Variants in PUS7 observed in about 807,000 individuals in gnomAD.
PUS7 encodes the protein pseudouridylate synthase 7 homolog.
PUS7 carries 48 observed loss-of-function variants against 79.8 expected under a neutral mutation model. The ratio of observed to expected loss-of-function variants is 0.60; its 90% confidence interval spans 0.48 to 0.76. The LOEUF is 0.76. Among genes scored for constraint, PUS7 ranks in the 30% least tolerant of loss-of-function variants. The pLI is 0.00. For synonymous variants in PUS7, 286 were observed against 272.2 expected (o/e 1.05, Z -0.50); for missense variants, 729 against 797.6 (o/e 0.91, Z 1.04).
At chr7:105,499,431 G>A (rs1825162184) in intron 5 of PUS7, among the ~76,000 whole-genome samples, 1 of 152,022 alleles carries the variant, frequency 6.6e-6, no homozygotes, top group South Asian at 2.1e-4. Flanking sequence ...CTATCACATG[G>A]CAGAATTTTC....
intron 15 of PUS7, among the ~76,000 whole-genome samples, chr7:105,458,321 T>C (rs1823272061): frequency 2.0e-5 from 3 of 151,778 alleles, no homozygotes; most frequent in South Asian, 4.1e-4. Context: ...AGTGCAGTGG[T>C]GTAATCTCAG....
At position 105,509,184 on chromosome 7, in the gene PUS7, C is replaced by CAAAAAAAAAAAAAA; in HGVS notation, c.-32-654_-32-641dup. ...GGGGGACCAGAGCAAGACTCCATCT[C>CAAAAAAAAAAAAAA]AAAAAAAAAAAAAAAAAAAAAAAAA... is the stretch of plus-strand genomic sequence containing the variant. On this transcript the variant is annotated intron_variant, in intron 1 of 15. Transcript: ENST00000469408. 2.7e-3 allele frequency among the ~76,000 whole-genome samples: 148 copies of CAAAAAAAAAAAAAA among 55,704 alleles called. 8 individuals carry two copies. Among genetic ancestry groups the CAAAAAAAAAAAAAA allele is most frequent in the African/African-American group, 9.3e-3 (104 of 11,196 alleles). The allele number at this position is 55,704 out of a possible 152,430, so 36.5% of individuals were successfully genotyped here. A position where few individuals can be genotyped will look rare whatever the true frequency, so the allele number is the denominator to read the frequency against.
At chr7:105,493,786 G>A (rs902401619) in intron 6 of PUS7, among the ~76,000 whole-genome samples, 1 of 152,178 alleles carries the variant, frequency 6.6e-6, no homozygotes, top group African/African-American at 2.4e-5. Flanking sequence ...GCCAAGGAGA[G>A]AGGCTTCCGG....
intron 2 of PUS7, 58 bp downstream of exon 2, chr7:105,508,057 C>A (rs982765874): frequency 1.3e-6 from 2 of 1,505,118 alleles, no homozygotes; most frequent in African/African-American, 2.8e-5. Flanking sequence ...AAGCTAATTT[C>A]TTTCTAAAGA....
At chr7:105,519,699 G>A (rs879131841) in intron 1 of PUS7, among the ~76,000 whole-genome samples, 4 of 152,202 alleles carry the variant, frequency 2.6e-5, no homozygotes, top group Admixed American at 2.6e-4. Context: ...AGCTTACAAT[G>A]TATTTGAGAA....
chr7:105,506,212 A>C lies in PUS7; in HGVS notation c.460T>G (p.Leu154Val). Residue 154 changes from leucine to valine, a missense_variant, in exon 3 of 16, where the codon TTG (leucine) becomes GTG (valine). Transcript: ENST00000469408. ...ACCTCCTCATCCACTGGAATGGACA[A>C]GTCATTCAAATGGCTGATCCGTCCA... is the stretch of plus-strand genomic sequence containing the variant. ...KDGRISHLND[L>V]SIPVDEEDPS... The C allele has an allele frequency of 4.3e-6, 7 of 1,613,288 alleles. No homozygotes were observed. The highest frequency in any genetic ancestry group is 5.9e-6 in the Non-Finnish European group (7 of 1,179,590).
intron 1 of PUS7, among the ~76,000 whole-genome samples, chr7:105,521,328 A>C (rs2133317566): frequency 6.6e-6 from 1 of 152,344 alleles, no homozygotes; most frequent in South Asian, 2.1e-4. Flanking sequence ...ACTCTTTGCC[A>C]ACCCTACTCG....
chr7:105,514,490 G>A (rs1299875987), intron 1 of PUS7, among the ~76,000 whole-genome samples: 3 of 150,558 alleles, frequency 2.0e-5, no homozygotes, highest in Non-Finnish European at 4.4e-5. Flanking sequence ...TGTAGTCCCA[G>A]CTACTCAGGA....
At chr7:105,494,501 C>T (rs1289848162) in intron 6 of PUS7, among the ~76,000 whole-genome samples, 1 of 150,454 alleles carries the variant, frequency 6.6e-6, no homozygotes, top group Non-Finnish European at 1.5e-5. Flanking sequence ...CCTCTGCTTC[C>T]CAGGTTCAAG....
At position 105,456,554 on chromosome 7, in the gene PUS7, G is replaced by A. The variant is rs1032488230; in HGVS notation, c.*1236C>T. The A allele has an allele frequency of 3.9e-5, 6 of 152,086 alleles. No homozygotes were observed. Among genetic ancestry groups the A allele is most frequent in the African/African-American group, 1.4e-4 (6 of 41,398 alleles). 9.4% of individuals were successfully genotyped at this position (152,086 alleles called of 1,614,324 possible). On this transcript the variant is annotated 3_prime_UTR_variant, in exon 16 of 16. Transcript: ENST00000469408. Reference sequence around the variant, plus strand: ...ATTTATTTACATAACCAGTAGAAAGGAGATTTTAAAAATATTTATTACATT... The same window carrying A: ...ATTTATTTACATAACCAGTAGAAAGAAGATTTTAAAAATATTTATTACATT...
chr7:105,499,063 T>C (rs1315260719), intron 5 of PUS7, among the ~76,000 whole-genome samples: 2 of 152,202 alleles, frequency 1.3e-5, no homozygotes. Flanking sequence ...CTGTATATAC[T>C]ACCTTCCATC....
rs1418981335 is a variant in PUS7 at position 105,457,689 on chromosome 7, G to A, written c.*101C>T. 2.7e-6 allele frequency: 3 copies of A among 1,112,822 alleles called. No individual in the cohort carries two copies. In the East Asian group the frequency reaches 8.2e-5, roughly 30 times the overall value. 68.9% of individuals were successfully genotyped at this position (1,112,822 alleles called of 1,614,324 possible). On this transcript the variant is annotated 3_prime_UTR_variant, in exon 16 of 16. Coordinates refer to ENST00000469408, the MANE Select transcript of PUS7 (RefSeq NM_019042.5). ...AAATACAAATAATTTTTATTACAAA[G>A]ATTTGAAATCCATATATGAGTCTGA...
Position 105,470,719 on chromosome 7 carries a change from C to A in PUS7, c.1367G>T (p.Gly456Val). 1 of 1,608,738 alleles carries A rather than the reference C, an allele frequency of 6.2e-7. No individual in the cohort carries two copies. The highest frequency in any genetic ancestry group is 8.5e-7 in the Non-Finnish European group (1 of 1,176,096). Residue 456 changes from glycine to valine, a missense_variant, in exon 11 of 16, where the codon GGA (glycine) becomes GTA (valine). Gly to Val is a moderately radical substitution (Grantham distance 109, BLOSUM62 -3). Transcript: ENST00000469408. ...GQLLRGLSKY[G>V]MKNIVSAFGI... ...AAATGCAGAGACTATATTCTTCATT[C>A]CATATTTTGAAAGTCCTCGAAGCAG...
At chr7:105,502,588 T>C in intron 4 of PUS7, 24 bp from the exon 5 acceptor site, 2 of 1,610,106 alleles carry the variant, frequency 1.2e-6, no homozygotes, top group Non-Finnish European at 1.7e-6. Flanking sequence ...CAGATAGCAA[T>C]ACCACCAAGT....
chr7:105,474,601 T>C (rs1375960975), intron 9 of PUS7, among the ~76,000 whole-genome samples: 1 of 115,268 alleles, frequency 8.7e-6, no homozygotes, highest in Non-Finnish European at 1.8e-5. Flanking sequence ...ACCCCATCTC[T>C]ACTAAAAATA....
chr7:105,498,269 TC>T (rs1393002580), intron 5 of PUS7, among the ~76,000 whole-genome samples: 3 of 152,216 alleles, frequency 2.0e-5, no homozygotes, highest in Non-Finnish European at 4.4e-5. Context: ...TCAATGAGTC[TC>T]CATTTATTTT....
intron 7 of PUS7, among the ~76,000 whole-genome samples, chr7:105,483,622 A>G (rs1309685608): frequency 6.6e-6 from 1 of 151,890 alleles, no homozygotes; most frequent in Non-Finnish European, 1.5e-5. Context: ...CCTCCCGAGT[A>G]GCTGAGAATA....
intron 14 of PUS7, chr7:105,462,360 A>G: frequency 1.2e-5 from 4 of 345,482 alleles, no homozygotes; most frequent in Non-Finnish European, 2.1e-5. Context: ...TGAACCTGGG[A>G]GGCAGAAGTT....
intron 13 of PUS7, among the ~76,000 whole-genome samples, chr7:105,463,767 C>T (rs1171983374): frequency 6.6e-6 from 1 of 151,886 alleles, no homozygotes; most frequent in Admixed American, 6.6e-5. Context: ...AGGTGTCATA[C>T]ATATTTGATA....
Sources: gnomAD v4.1 joint callset for allele counts (sites outside exome capture counted in the v4.1 genomes callset) on GRCh38, gnomAD v4.1.1 for gene constraint, MANE v1.5 for transcripts, NCBI Gene and HGNC (gene_info 2026-07-23, HGNC 2026-07-21) for gene names.